Variants in NALF1 observed in about 807,000 individuals in gnomAD.
The protein encoded by NALF1 is family with sequence similarity 155 member A.
NALF1 carries 3 observed loss-of-function variants against 48.4 expected under a neutral mutation model. That is an observed-to-expected ratio of 0.06 (90% confidence interval 0.03 to 0.16). NALF1 has a LOEUF of 0.16. Among genes scored for constraint, NALF1 ranks in the 10% least tolerant of loss-of-function variants. NALF1 has a pLI of 1.00. For synonymous variants in NALF1, 262 were observed against 245.7 expected, an observed-to-expected ratio of 1.07 and a Z score of -0.62; for missense variants, 526 against 571.5, an observed-to-expected ratio of 0.92 and a Z score of 0.81.
intron 1 of NALF1, among the ~76,000 whole-genome samples, chr13:107,843,253 T>C (rs1417009854): frequency 6.6e-6 from 1 of 152,210 alleles, no homozygotes; most frequent in Non-Finnish European, 1.5e-5. Context: ...GTAGATGCTA[T>C]TATTGTCATA....
intron 1 of NALF1, among the ~76,000 whole-genome samples, chr13:107,794,646 A>T (rs1021958966): frequency 9.7e-6 from 1 of 102,568 alleles, no homozygotes; most frequent in African/African-American, 3.1e-5. Context: ...TAATTGAGTT[A>T]AAAAAAAAAA....
intron 1 of NALF1, among the ~76,000 whole-genome samples, chr13:107,406,948 C>T (rs1168356591): frequency 1.3e-5 from 2 of 151,882 alleles, no homozygotes; most frequent in Non-Finnish European, 2.9e-5. Context: ...GAATAGTGAA[C>T]ACAGATAAAT....
At chr13:107,648,579 C>T (rs1471790990) in intron 1 of NALF1, among the ~76,000 whole-genome samples, 2 of 152,090 alleles carry the variant, frequency 1.3e-5, no homozygotes, top group African/African-American at 4.8e-5. Context: ...TTTATTCATT[C>T]ACCTATTGTA....
At chr13:107,847,660 A>C (rs540851618) in intron 1 of NALF1, among the ~76,000 whole-genome samples, 2 of 152,188 alleles carry the variant, frequency 1.3e-5, no homozygotes, top group African/African-American at 4.8e-5. Context: ...TGAGATCCTC[A>C]GCTCAACAGC....
chr13:107,468,384 G>A (rs957178976), intron 1 of NALF1, among the ~76,000 whole-genome samples: 5 of 152,096 alleles, frequency 3.3e-5, no homozygotes, highest in African/African-American at 9.7e-5. Flanking sequence ...TTGAAAGCTG[G>A]AGGAAAAATA....
chr13:107,187,974 A>G (rs139446053), intron 2 of NALF1, among the ~76,000 whole-genome samples: 1 of 152,280 alleles, frequency 6.6e-6, no homozygotes. Flanking sequence ...TTCTGTGAGT[A>G]TATCTCATTT....
At chr13:107,361,947 TTTTC>T in intron 1 of NALF1, among the ~76,000 whole-genome samples, 1 of 152,124 alleles carries the variant, frequency 6.6e-6, no homozygotes, top group South Asian at 2.1e-4. Flanking sequence ...CAGTGTATGA[TTTTC>T]TATGCCTTTT....
chr13:107,573,683 T>TGG (rs36103094), intron 1 of NALF1, among the ~76,000 whole-genome samples: 1 of 151,992 alleles, frequency 6.6e-6, no homozygotes, highest in Admixed American at 6.6e-5. Flanking sequence ...CCACATGTCA[T>TGG]GGGGGGGACC....
chr13:107,468,047 C>CAA lies in NALF1; in HGVS notation c.916-257294_916-257293dup, dbSNP rs1287757353. ...TGGGCGACAGAGCGAGACTCCGTCTCAAAAAAAAAAAAAAAAAAAGTATTA... is the reference window on the plus strand; with the variant it reads ...TGGGCGACAGAGCGAGACTCCGTCTCAAAAAAAAAAAAAAAAAAAAAGTATTA... On this transcript the variant is annotated intron_variant, in intron 1 of 2. Coordinates refer to ENST00000375915, the MANE Select transcript of NALF1 (RefSeq NM_001080396.3). 9.1e-3 allele frequency among the ~76,000 whole-genome samples: 687 copies of CAA among 75,520 alleles called. 15 individuals are homozygous for CAA. The highest frequency in any genetic ancestry group is 0.027 in the African/African-American group (652 of 23,980). The allele number at this position is 75,520 out of a possible 152,430, so 49.5% of individuals were successfully genotyped here.
intron 1 of NALF1, among the ~76,000 whole-genome samples, chr13:107,710,616 A>C (rs1294003994): frequency 6.7e-6 from 1 of 149,272 alleles, no homozygotes; most frequent in African/African-American, 2.6e-5. Flanking sequence ...TACACTTTTA[A>C]ACCCTCAGAT....
chr13:107,276,649 T>C (rs1182487219), intron 1 of NALF1, among the ~76,000 whole-genome samples: 1 of 152,168 alleles, frequency 6.6e-6, no homozygotes, highest in African/African-American at 2.4e-5. Flanking sequence ...AACTTCAACA[T>C]ATTCCATCTC....
At chr13:107,404,265 G>A (rs1191620999) in intron 1 of NALF1, among the ~76,000 whole-genome samples, 1 of 151,996 alleles carries the variant, frequency 6.6e-6, no homozygotes, top group Non-Finnish European at 1.5e-5. Context: ...AGGCCAAAAG[G>A]CCTGCTGAAA....
intron 1 of NALF1, among the ~76,000 whole-genome samples, chr13:107,685,210 A>AC (rs1436482897): frequency 5.3e-5 from 8 of 152,186 alleles, no homozygotes; most frequent in South Asian, 4.1e-4. Flanking sequence ...GCTACTCAGG[A>AC]GGCTGAGGCA....
At position 107,627,259 on chromosome 13, in the gene NALF1, A is replaced by G. The variant is rs539689396; in HGVS notation, c.915+238423T>C. ...GAATCAGAGTGTGATTTTGAAAAGA[A>G]AAGTATGAAAGAAAATGAGTACCTT... is the stretch of plus-strand genomic sequence containing the variant. On this transcript the variant is annotated intron_variant, in intron 1 of 2. Transcript: ENST00000375915. Among the ~76,000 whole-genome samples the G allele has an allele frequency of 6.6e-5, 10 of 152,280 alleles. 2 individuals carry two copies. In the South Asian group the frequency reaches 2.1e-3, roughly 32 times the overall value.
chr13:107,769,839 A>G (rs562265864), intron 1 of NALF1, among the ~76,000 whole-genome samples: 159 of 152,342 alleles, frequency 1.0e-3, no homozygotes, highest in Admixed American at 1.8e-3. Context: ...TACCATCACC[A>G]CTTAGAGAAT....
intron 1 of NALF1, among the ~76,000 whole-genome samples, chr13:107,605,291 GCTATTA>G (rs1321550621): frequency 1.3e-5 from 2 of 152,126 alleles, no homozygotes; most frequent in African/African-American, 4.8e-5. Flanking sequence ...AATAGTTGAA[GCTATTA>G]CTGTTCATGG....
intron 1 of NALF1, among the ~76,000 whole-genome samples, chr13:107,659,333 T>G (rs967092443): frequency 3.9e-5 from 6 of 152,226 alleles, no homozygotes; most frequent in African/African-American, 1.4e-4. Context: ...CCCACTAGAT[T>G]GCTGCCTTAT....
intron 1 of NALF1, among the ~76,000 whole-genome samples, chr13:107,667,443 T>G (rs1160924946): frequency 6.6e-6 from 1 of 152,078 alleles, no homozygotes; most frequent in Non-Finnish European, 1.5e-5. Context: ...ATCAATGTTC[T>G]TTTGGTTATT....
intron 1 of NALF1, among the ~76,000 whole-genome samples, chr13:107,376,682 G>GAATTGAGCT (rs908302661): frequency 2.6e-5 from 4 of 152,154 alleles, no homozygotes; most frequent in African/African-American, 9.7e-5. Context: ...GATCTGCAAT[G>GAATTGAGCT]AATTGAGCTA....
Sources: gnomAD v4.1 joint callset for allele counts (sites outside exome capture counted in the v4.1 genomes callset) on GRCh38, gnomAD v4.1.1 for gene constraint, MANE v1.5 for transcripts, NCBI Gene and HGNC (gene_info 2026-07-23, HGNC 2026-07-21) for gene names.